PPP6R3: variants seen among roughly 807,000 people sequenced by gnomAD.
PPP6R3 encodes protein phosphatase 6 regulatory subunit 3, also known as serine/threonine-protein phosphatase 6 regulatory subunit 3.
In PPP6R3, 38 loss-of-function variants were observed where a neutral mutation model predicts 110.7. That is an observed-to-expected ratio of 0.34 (90% CI 0.26 to 0.45). The LOEUF (loss-of-function observed/expected upper bound fraction) is 0.45, where lower values mean the gene tolerates loss of function less well. Ranked by LOEUF, PPP6R3 falls within the 20% of genes least tolerant of loss-of-function variation. The pLI, the probability that PPP6R3 is intolerant of heterozygous loss-of-function variation, is 1.00. For missense variants in PPP6R3, 870 were observed against 1,062.4 expected, an observed-to-expected ratio of 0.82 and a Z score of 2.52; for synonymous variants, 369 against 373.5, an observed-to-expected ratio of 0.99 and a Z score of 0.14.
At chr11:68,585,374 C>T (rs1017148962) in intron 15 of PPP6R3, among the ~76,000 whole-genome samples, 20 of 152,180 alleles carry the variant, frequency 1.3e-4, no homozygotes, top group Admixed American at 5.9e-4. Flanking sequence ...ATTTAGTTGA[C>T]CAGTAGTTTC....
intron 1 of PPP6R3, among the ~76,000 whole-genome samples, chr11:68,483,220 CA>C (rs369070826): frequency 3.0e-4 from 46 of 152,302 alleles, no homozygotes; most frequent in African/African-American, 1.1e-3. Flanking sequence ...TACCTCCTTT[CA>C]AAATGAGATA....
In PPP6R3 at chr11:68,567,114, C is replaced by G. The variant is rs1369714823; in HGVS notation, c.1076C>G (p.Thr359Ser). The G allele has an allele frequency of 1.3e-6, 2 of 1,551,292 alleles. No individual in the cohort carries two copies. Among genetic ancestry groups the G allele is most frequent in the Non-Finnish European group, 1.7e-6 (2 of 1,146,818 alleles). ...RLISSLLQTNTSSINGDLMEL... is the reference protein window; with the variant it reads ...RLISSLLQTNSSSINGDLMEL... ...ATATCCAGCCTGCTTCAAACCAATACCAGCAGTATAAATGGGGACCTTATG... is the reference window on the plus strand; with the variant it reads ...ATATCCAGCCTGCTTCAAACCAATAGCAGCAGTATAAATGGGGACCTTATG... The change falls in exon 10 of 24, where the codon ACC (threonine) becomes AGC (serine). Residue 359 changes from threonine (T) to serine (S), a missense_variant. Coordinates refer to ENST00000393800, the MANE Select transcript of PPP6R3 (RefSeq NM_001164161.2).
chr11:68,480,826 C>T (rs2098903161), intron 1 of PPP6R3, among the ~76,000 whole-genome samples: 1 of 151,944 alleles, frequency 6.6e-6, no homozygotes, highest in African/African-American at 2.4e-5. Flanking sequence ...TGATTTTTTC[C>T]CCCTCCTTCA....
chr11:68,595,953 C>T, intron 18 of PPP6R3, 144 bp from the exon 19 acceptor site: 1 of 992,430 alleles, frequency 1.0e-6, no homozygotes, highest in Non-Finnish European at 1.5e-6. Context: ...TCTTCCCGGG[C>T]ATCCTGACCA....
chr11:68,572,210 G>A lies in PPP6R3; in HGVS notation c.1343+1106G>A, dbSNP rs1003401757. On this transcript the variant is annotated intron_variant, in intron 12 of 23. Coordinates refer to ENST00000393800, the MANE Select transcript of PPP6R3 (RefSeq NM_001164161.2). ...CATCTCTGGTTATATGTCTGACTCCGTCTTGGCTTCTCTGTGTCCTTCCCA... is the reference window on the plus strand; with the variant it reads ...CATCTCTGGTTATATGTCTGACTCCATCTTGGCTTCTCTGTGTCCTTCCCA... Among the ~76,000 whole-genome samples the A allele has an allele frequency of 5.3e-5, 8 of 152,186 alleles. No individual in the cohort carries two copies. The Middle Eastern group carries it at 0.014, about 259-fold the overall frequency.
At chr11:68,600,743 C>T (rs1417835455) in intron 20 of PPP6R3, among the ~76,000 whole-genome samples, 1 of 152,296 alleles carries the variant, frequency 6.6e-6, no homozygotes, top group South Asian at 2.1e-4. Flanking sequence ...TGTGAGGATG[C>T]GGTCCCAGGG....
Position 68,486,457 on chromosome 11 carries a change from T to G in PPP6R3, c.-158+25630T>G, listed in dbSNP as rs759237221. On this transcript the variant is annotated intron_variant, in intron 1 of 23. Transcript: ENST00000393800. ...CATCTCTCTTAAAAATACAAAAAAT[T>G]AGCTGGGTGTGGTGGCGGGCGCCTG... 5.9e-5 allele frequency among the ~76,000 whole-genome samples: 9 copies of G among 152,018 alleles called. No individual in the cohort carries two copies. In the South Asian group the frequency reaches 1.7e-3, roughly 28 times the overall value.
intron 15 of PPP6R3, 64 bp from the exon 16 acceptor site, chr11:68,587,863 G>A (rs1333228405): frequency 7.5e-7 from 1 of 1,327,934 alleles, no homozygotes; most frequent in Non-Finnish European, 1.1e-6. Flanking sequence ...ACACAAATGG[G>A]CAAATAGTAT....
chr11:68,507,068 T>G (rs2099082298), intron 1 of PPP6R3, among the ~76,000 whole-genome samples: 1 of 152,196 alleles, frequency 6.6e-6, no homozygotes, highest in Non-Finnish European at 1.5e-5. Flanking sequence ...TTGTGTTGGC[T>G]TCATATATGC....
chr11:68,505,033 C>T (rs2099068497), intron 1 of PPP6R3: 1 of 152,184 alleles, frequency 6.6e-6, no homozygotes, highest in South Asian at 2.1e-4. Context: ...CTTTGAGTAT[C>T]TTGGTTTCAC....
chr11:68,558,543 T>C, intron 7 of PPP6R3, 23 bp from the exon 8 acceptor site: 1 of 1,495,432 alleles, frequency 6.7e-7, no homozygotes, highest in Non-Finnish European at 9.3e-7. Context: ...CTGCAGTTAG[T>C]GATTATTGAT....
chr11:68,498,958 C>T lies in PPP6R3; in HGVS notation c.-157-20543C>T, dbSNP rs146637114. On this transcript the variant is annotated intron_variant, in intron 1 of 23. Coordinates refer to ENST00000393800, the MANE Select transcript of PPP6R3 (RefSeq NM_001164161.2). ...GAAAGTTCCACTTACTCTGGATCCTCTCCAGTATTTCATCCTTTTCATTTT... is the reference window on the plus strand; with the variant it reads ...GAAAGTTCCACTTACTCTGGATCCTTTCCAGTATTTCATCCTTTTCATTTT... 2.0e-5 allele frequency among the ~76,000 whole-genome samples: 3 copies of T among 152,308 alleles called. No homozygotes were observed. In the East Asian group the frequency reaches 5.8e-4, roughly 29 times the overall value.
intron 1 of PPP6R3, among the ~76,000 whole-genome samples, chr11:68,473,577 C>T (rs1329141307): frequency 6.6e-6 from 1 of 152,180 alleles, no homozygotes; most frequent in Non-Finnish European, 1.5e-5. Flanking sequence ...ACAGGTAAAA[C>T]AACCTGGAGC....
intron 11 of PPP6R3, 99 bp downstream of exon 11, chr11:68,569,996 A>G: frequency 9.2e-7 from 1 of 1,086,298 alleles, no homozygotes; most frequent in Non-Finnish European, 1.3e-6. Context: ...GCTTGAGGTT[A>G]GATTTCAGAG....
At position 68,575,981 on chromosome 11, in the gene PPP6R3, C is replaced by T; in HGVS notation, c.1483C>T (p.Arg495Ter). The change falls in exon 14 of 24, where the codon CGA (arginine) becomes TGA (stop). Residue 495 changes from arginine to a stop codon, truncating the protein, a stop_gained. Coordinates refer to ENST00000393800, the MANE Select transcript of PPP6R3 (RefSeq NM_001164161.2). LOFTEE classifies it high-confidence loss of function. ...IKDLPDEVRERWETFCTSSLG... is the reference protein window; with the variant it reads ...IKDLPDEVRE Reference sequence around the variant, plus strand: ...AGATCTTCCCGACGAAGTCAGGGAACGATGGGAGACGTTCTGCACAAGCTC... The same window carrying T: ...AGATCTTCCCGACGAAGTCAGGGAATGATGGGAGACGTTCTGCACAAGCTC... The T allele has an allele frequency of 1.9e-6, 3 of 1,611,618 alleles. No individual in the cohort carries two copies. The highest frequency in any genetic ancestry group is 2.5e-6 in the Non-Finnish European group (3 of 1,178,436).
intron 14 of PPP6R3, among the ~76,000 whole-genome samples, chr11:68,581,280 C>T (rs537613142): frequency 1.0e-3 from 157 of 152,180 alleles, no homozygotes; most frequent in African/African-American, 3.6e-3. Context: ...GTAGAACATG[C>T]GAAGGGGAGG....
intron 10 of PPP6R3, among the ~76,000 whole-genome samples, chr11:68,567,386 CAT>C (rs768567854): frequency 2.6e-5 from 4 of 152,154 alleles, no homozygotes; most frequent in African/African-American, 4.8e-5. Flanking sequence ...AGAATTGTAA[CAT>C]AGGATTTTGA....
intron 1 of PPP6R3, among the ~76,000 whole-genome samples, 189 bp downstream of exon 1, chr11:68,461,016 G>C (rs1480251693): frequency 6.6e-6 from 1 of 151,692 alleles, no homozygotes; most frequent in Non-Finnish European, 1.5e-5. Context: ...CTTCCCGGCC[G>C]CTCCCCGTCC....
At chr11:68,508,885 A>G (rs557508963) in intron 1 of PPP6R3, among the ~76,000 whole-genome samples, 1 of 152,124 alleles carries the variant, frequency 6.6e-6, no homozygotes, top group Admixed American at 6.5e-5. Flanking sequence ...AATGCAGTGT[A>G]TTGAAGGAAT....
Sources: allele counts gnomAD v4.1 joint callset (sites outside exome capture counted in the v4.1 genomes callset), GRCh38; gene constraint gnomAD v4.1.1; transcripts MANE v1.5; gene names NCBI Gene and HGNC (gene_info 2026-07-23, HGNC 2026-07-21).